MAP3K13: variants seen among roughly 807,000 people sequenced by gnomAD.
MAP3K13 encodes leucine zipper-bearing kinase.
A neutral mutation model predicts 104.0 loss-of-function variants in MAP3K13; 52 were observed. That is an observed-to-expected ratio of 0.50 (90% CI 0.40 to 0.63). MAP3K13 has a LOEUF of 0.63. Among genes scored for constraint, MAP3K13 ranks in the 20% least tolerant of loss-of-function variants. The probability of loss-of-function intolerance (pLI) is 0.00; values close to 1 mark genes in which losing one functional copy is unlikely to be tolerated. For missense variants in MAP3K13, 914 were observed against 1,218.5 expected (o/e 0.75, Z 3.72); for synonymous variants, 394 against 442.2 (o/e 0.89, Z 1.37).
chr3:185,461,688 G>A (rs774811556), intron 7 of MAP3K13, among the ~76,000 whole-genome samples: 16 of 151,984 alleles, frequency 1.1e-4, no homozygotes, highest in South Asian at 2.1e-4. Context: ...TCAGCCTGCC[G>A]AATAGCTGGC....
intron 1 of MAP3K13, among the ~76,000 whole-genome samples, chr3:185,367,218 C>T (rs1723930475): frequency 6.6e-6 from 1 of 152,014 alleles, no homozygotes; most frequent in Non-Finnish European, 1.5e-5. Context: ...GGCACCCTAC[C>T]AGGGAACTTA....
At chr3:185,457,650 CACAA>C (rs962924962) in intron 7 of MAP3K13, among the ~76,000 whole-genome samples, 1 of 152,206 alleles carries the variant, frequency 6.6e-6, no homozygotes, top group Non-Finnish European at 1.5e-5. Flanking sequence ...TTGGAGGGAA[CACAA>C]ACATTCAGAC....
intron 1 of MAP3K13, among the ~76,000 whole-genome samples, chr3:185,420,794 T>C (rs1714074857): frequency 6.6e-6 from 1 of 152,234 alleles, no homozygotes; most frequent in African/African-American, 2.4e-5. Flanking sequence ...GGAAAAATTG[T>C]ATTCTATGAT....
chr3:185,345,771 G>A (rs1722897778), intron 2 of MAP3K13, among the ~76,000 whole-genome samples: 1 of 152,066 alleles, frequency 6.6e-6, no homozygotes, highest in South Asian at 2.1e-4. Context: ...ATATTACAAT[G>A]TAATAATAGA....
At chr3:185,377,997 C>T (rs1278594216) in intron 1 of MAP3K13, among the ~76,000 whole-genome samples, 1 of 151,820 alleles carries the variant, frequency 6.6e-6, no homozygotes, top group Non-Finnish European at 1.5e-5. Context: ...TTGTAGCAAG[C>T]TCCTGGGGTG....
chr3:185,478,613 G>A (rs1286269623), intron 12 of MAP3K13, among the ~76,000 whole-genome samples: 6 of 151,986 alleles, frequency 3.9e-5, no homozygotes, highest in Middle Eastern at 3.2e-3. Context: ...GTACTAGGCC[G>A]GGTGCTGTGG....
rs1352018678 is a variant in MAP3K13, at chr3:185,423,664, ATAATT to A, written c.-85-4829_-85-4825del. ...CAAGGCCTAGATTTCTCCATACCCT[ATAATT>A]TAAGTGCCTCTTAACCTAACCCCGT... On this transcript the variant is annotated intron_variant, in intron 1 of 13. Coordinates refer to ENST00000265026, the MANE Select transcript of MAP3K13 (RefSeq NM_004721.5). The surrounding 1 kb of genome is among the most constrained non-coding windows in gnomAD (Gnocchi z 4.1). Among the ~76,000 whole-genome samples the A allele has an allele frequency of 6.6e-6, 1 of 152,182 alleles. No homozygotes were observed. Among genetic ancestry groups the A allele is most frequent in the Non-Finnish European group, 1.5e-5 (1 of 68,028 alleles).
chr3:185,412,773 G>C (rs1464723462), intron 1 of MAP3K13, among the ~76,000 whole-genome samples: 1 of 152,202 alleles, frequency 6.6e-6, no homozygotes, highest in Non-Finnish European at 1.5e-5. Context: ...ATTGGATCCA[G>C]AGTCAGGAGT....
chr3:185,307,553 G>A (rs1367044887), intron 2 of MAP3K13, among the ~76,000 whole-genome samples: 8 of 66,362 alleles, frequency 1.2e-4, no homozygotes, highest in African/African-American at 1.8e-4. Flanking sequence ...CCCCTCCCCC[G>A]CCACCCCGAG....
At chr3:185,420,338 C>T (rs552499509) in intron 1 of MAP3K13, among the ~76,000 whole-genome samples, 32 of 152,292 alleles carry the variant, frequency 2.1e-4, no homozygotes, top group Non-Finnish European at 4.0e-4. Flanking sequence ...CAACTCCATT[C>T]GAAGAAGCTA....
intron 1 of MAP3K13, among the ~76,000 whole-genome samples, chr3:185,408,324 C>T (rs377319703): frequency 5.3e-4 from 80 of 152,092 alleles, no homozygotes; most frequent in African/African-American, 1.8e-3. Context: ...AGCCTGTAAT[C>T]CCCTTGGGAG....
intron 2 of MAP3K13, among the ~76,000 whole-genome samples, chr3:185,324,600 G>A (rs1406712738): frequency 4.6e-5 from 7 of 152,116 alleles, no homozygotes; most frequent in East Asian, 1.9e-4. Context: ...GGGGCACACC[G>A]TGCTTGCCCC....
chr3:185,344,395 T>G (rs545605601), intron 2 of MAP3K13, among the ~76,000 whole-genome samples: 25 of 152,334 alleles, frequency 1.6e-4, no homozygotes, highest in African/African-American at 5.8e-4. Context: ...AAGAATCTGT[T>G]ACATAATAGG....
At chr3:185,361,008 G>A (rs12492335), upstream of MAP3K13, among the ~76,000 whole-genome samples, 109,625 of 151,012 alleles carry the variant, frequency 0.73, 42,113 homozygotes, top group Non-Finnish European at 0.86. Flanking sequence ...TGTATTTTTA[G>A]TAGAGATGGG....
At chr3:185,407,869 A>ATTTTTTT (rs35693572) in intron 1 of MAP3K13, among the ~76,000 whole-genome samples, 14 of 69,106 alleles carry the variant, frequency 2.0e-4, no homozygotes, top group East Asian at 3.9e-4. Flanking sequence ...AATTTTGAGA[A>ATTTTTTT]TTTTTTTTTT....
chr3:185,329,877 C>T (rs979162901), intron 2 of MAP3K13, among the ~76,000 whole-genome samples: 3 of 146,470 alleles, frequency 2.0e-5, no homozygotes, highest in African/African-American at 5.0e-5. Flanking sequence ...TATAAAAGGT[C>T]GAATTAGCCA....
intron 2 of MAP3K13, among the ~76,000 whole-genome samples, chr3:185,301,333 T>C (rs1168552351): frequency 6.6e-6 from 1 of 151,872 alleles, no homozygotes; most frequent in Non-Finnish European, 1.5e-5. Context: ...TTTTTTATTA[T>C]TGAGTTGTAA....
At chr3:185,385,559 A>C (rs529852078) in intron 1 of MAP3K13, among the ~76,000 whole-genome samples, 1 of 152,320 alleles carries the variant, frequency 6.6e-6, no homozygotes, top group Non-Finnish European at 1.5e-5. Context: ...ATTCTTCCTA[A>C]TTCATTCTGT....
chr3:185,411,880 G>C (rs1713471435), intron 1 of MAP3K13, among the ~76,000 whole-genome samples: 1 of 149,774 alleles, frequency 6.7e-6, no homozygotes, highest in Non-Finnish European at 1.5e-5. Context: ...CACCTCCCAG[G>C]TTCAAGTGAT....
Sources: gnomAD v4.1 joint callset for allele counts (sites outside exome capture counted in the v4.1 genomes callset) on GRCh38, gnomAD v4.1.1 for gene constraint, Gnocchi (gnomAD v3.1) non-coding constraint, MANE v1.5 for transcripts, NCBI Gene and HGNC (gene_info 2026-07-23, HGNC 2026-07-21) for gene names.